ZNF385D: variants seen among roughly 807,000 people sequenced by gnomAD.
ZNF385D encodes the protein zinc finger protein 659.
ZNF385D carries 15 observed loss-of-function variants against 35.8 expected under a neutral mutation model. The ratio of observed to expected loss-of-function variants is 0.42; its 90% CI spans 0.28 to 0.64. ZNF385D has a LOEUF of 0.64. ZNF385D is among the 30% of genes least tolerant of loss of function. The pLI is 0.23. For synonymous variants in ZNF385D, 212 were observed against 186.8 expected (o/e 1.13, Z -1.10); for missense variants, 474 against 494.6 (o/e 0.96, Z 0.39).
intron 3 of ZNF385D, among the ~76,000 whole-genome samples, chr3:22,080,119 T>C (rs893757868): frequency 2.0e-5 from 3 of 152,160 alleles, no homozygotes; most frequent in African/African-American, 7.2e-5. Flanking sequence ...TTACAGTTTG[T>C]CATATAATTA....
intron 2 of ZNF385D, among the ~76,000 whole-genome samples, chr3:22,268,043 A>C (rs1559488994): frequency 6.6e-6 from 1 of 152,000 alleles, no homozygotes; most frequent in Non-Finnish European, 1.5e-5. Context: ...TATGCACTAC[A>C]AGAGACCAAT....
intron 2 of ZNF385D, among the ~76,000 whole-genome samples, chr3:22,322,560 G>A (rs906301892): frequency 6.6e-6 from 1 of 152,074 alleles, no homozygotes; most frequent in South Asian, 2.1e-4. Flanking sequence ...CACCGACCCA[G>A]CCCTTTTAAC....
At chr3:21,872,842 G>C (rs1407631587) in intron 3 of ZNF385D, among the ~76,000 whole-genome samples, 1 of 152,090 alleles carries the variant, frequency 6.6e-6, no homozygotes, top group Non-Finnish European at 1.5e-5. Flanking sequence ...ATACAATTTA[G>C]AGTATTAAGG....
intron 1 of ZNF385D, among the ~76,000 whole-genome samples, chr3:21,735,193 T>C (rs1249817607): frequency 1.3e-5 from 2 of 152,100 alleles, no homozygotes; most frequent in African/African-American, 2.4e-5. Flanking sequence ...CTATATGACA[T>C]TGGAAAAGTA....
intron 2 of ZNF385D, among the ~76,000 whole-genome samples, chr3:22,346,050 G>GTGC (rs1457013667): frequency 6.6e-6 from 1 of 152,148 alleles, no homozygotes; most frequent in African/African-American, 2.4e-5. Context: ...CTCATGGGGT[G>GTGC]TGCTTTTCCT....
chr3:21,801,454 G>A (rs1467864852), intron 3 of ZNF385D, among the ~76,000 whole-genome samples: 1 of 152,078 alleles, frequency 6.6e-6, no homozygotes, highest in African/African-American at 2.4e-5. Context: ...CTGGTCTTGA[G>A]CTTGGCTTGT....
chr3:22,004,458 G>A (rs547660871), intron 3 of ZNF385D, among the ~76,000 whole-genome samples: 5 of 152,238 alleles, frequency 3.3e-5, no homozygotes, highest in Admixed American at 3.3e-4. Flanking sequence ...AAAAGCTTTT[G>A]CACAGCAAGA....
intron 3 of ZNF385D, among the ~76,000 whole-genome samples, chr3:21,774,665 T>A (rs2071214376): frequency 6.6e-6 from 1 of 151,674 alleles, no homozygotes; most frequent in Non-Finnish European, 1.5e-5. Context: ...TTTAAGAGAT[T>A]TTGTTGACTA....
chr3:21,985,636 G>T (rs1694762401), intron 3 of ZNF385D, among the ~76,000 whole-genome samples: 3 of 143,396 alleles, frequency 2.1e-5, no homozygotes, highest in Admixed American at 1.4e-4. Flanking sequence ...CTCTTTTTTG[G>T]TTGTGTCTCT....
chr3:22,195,236 C>CT (rs1201161291), intron 2 of ZNF385D, among the ~76,000 whole-genome samples: 2 of 151,934 alleles, frequency 1.3e-5, no homozygotes, highest in South Asian at 4.2e-4. Context: ...ATATTGAACA[C>CT]TTTTTTTCTT....
At chr3:21,777,197 G>C (rs973155184) in intron 3 of ZNF385D, among the ~76,000 whole-genome samples, 1 of 151,858 alleles carries the variant, frequency 6.6e-6, no homozygotes, top group Admixed American at 6.6e-5. Context: ...GTTCTGTTTT[G>C]TTTAAAATAA....
At chr3:21,527,617 C>T (rs1413610165) in intron 3 of ZNF385D, among the ~76,000 whole-genome samples, 3 of 152,028 alleles carry the variant, frequency 2.0e-5, no homozygotes, top group African/African-American at 7.2e-5. Context: ...GGCTTTCCTC[C>T]ACAGATTAGT....
chr3:22,013,058 G>A (rs1315743529), intron 3 of ZNF385D, among the ~76,000 whole-genome samples: 1 of 152,102 alleles, frequency 6.6e-6, no homozygotes, highest in Non-Finnish European at 1.5e-5. Flanking sequence ...ATGTATGGAA[G>A]ATTTAAAGTA....
intron 3 of ZNF385D, among the ~76,000 whole-genome samples, chr3:21,516,712 G>A (rs1707589548): frequency 6.6e-6 from 1 of 152,068 alleles, no homozygotes; most frequent in African/African-American, 2.4e-5. Flanking sequence ...ATTTCTCTGG[G>A]TCATCGTGCA....
At chr3:22,034,358 G>A (rs1368333752) in intron 3 of ZNF385D, among the ~76,000 whole-genome samples, 3 of 152,066 alleles carry the variant, frequency 2.0e-5, no homozygotes, top group Non-Finnish European at 4.4e-5. Flanking sequence ...ACCTGACCAT[G>A]CCAGCACCCT....
intron 4 of ZNF385D, among the ~76,000 whole-genome samples, chr3:21,493,979 T>C (rs1278108481): frequency 1.3e-5 from 2 of 152,152 alleles, no homozygotes; most frequent in African/African-American, 4.8e-5. Flanking sequence ...GGCTTTTTTT[T>C]CCTTTGTCTT....
At chr3:22,342,525 T>C (rs2125481303) in intron 2 of ZNF385D, among the ~76,000 whole-genome samples, 1 of 152,116 alleles carries the variant, frequency 6.6e-6, no homozygotes, top group Middle Eastern at 3.4e-3. Context: ...CTCATATATA[T>C]CCCATAATCT....
Position 21,757,120 on chromosome 3 carries a change from C to CTTTTTTTTTTTTTTTTTTTTT in ZNF385D, c.326-92093_326-92092insAAAAAAAAAAAAAAAAAAAAA, listed in dbSNP as rs61226426. Among the ~76,000 whole-genome samples, 153 of 106,392 alleles carry CTTTTTTTTTTTTTTTTTTTTT rather than the reference C, an allele frequency of 1.4e-3. 1 individual carries two copies. Among genetic ancestry groups the CTTTTTTTTTTTTTTTTTTTTT allele is most frequent in the Non-Finnish European group, 1.6e-3 (87 of 55,642 alleles). The allele number at this position is 106,392 out of a possible 152,430, so 69.8% of individuals were successfully genotyped here. ...CTTTGGAGACATATGATAAATTTCTCTTTTTTTTTTTTTTTTTTTGTTTTC... is the reference window on the plus strand; with the variant it reads ...CTTTGGAGACATATGATAAATTTCTCTTTTTTTTTTTTTTTTTTTTTTTTTTTTTTTTTTTTTTTTGTTTTC... On this transcript the variant is annotated intron_variant, in intron 3 of 5. Coordinates refer to the ZNF385D transcript ENST00000494108.
At chr3:21,640,656 G>C (rs190958697) in intron 2 of ZNF385D, among the ~76,000 whole-genome samples, 2 of 152,068 alleles carry the variant, frequency 1.3e-5, no homozygotes, top group Non-Finnish European at 2.9e-5. Context: ...CACAGAATCT[G>C]CTGGCACCTT....
Sources: allele counts gnomAD v4.1 joint callset (sites outside exome capture counted in the v4.1 genomes callset), GRCh38; gene constraint gnomAD v4.1.1; transcripts MANE v1.5; gene names NCBI Gene and HGNC (gene_info 2026-07-23, HGNC 2026-07-21).